The following SNX24 variants were observed in gnomAD, a reference collection of about 807,000 sequenced individuals.
SNX24 encodes the protein sorting nexin-24.
Under a neutral mutation model 28.7 loss-of-function variants are expected in SNX24, and 22 were observed. The observed-to-expected ratio is 0.77, with a 90% CI of 0.55 to 1.10. The LOEUF is 1.10. Ranked by LOEUF, SNX24 falls within the 50% of genes least tolerant of loss-of-function variation. The pLI is 0.00. For synonymous variants in SNX24, 69 were observed against 71.5 expected (o/e 0.96, Z 0.18); for missense variants, 221 against 201.1 (o/e 1.10, Z -0.60).
intron 3 of SNX24, chr5:122,948,776 G>A (rs933961986): frequency 2.0e-5 from 3 of 152,126 alleles, no homozygotes; most frequent in African/African-American, 7.2e-5. Flanking sequence ...TAAAGAGTTG[G>A]GAATGGAATT....
intron 1 of SNX24, among the ~76,000 whole-genome samples, chr5:122,921,219 A>C (rs1179287117): frequency 2.0e-5 from 3 of 151,914 alleles, no homozygotes; most frequent in Non-Finnish European, 2.9e-5. Flanking sequence ...TGGATGTACT[A>C]TTTATCCCTG....
rs918132033 is a variant in SNX24, at chr5:122,955,663, A to G, written c.249+9504A>G. On this transcript the variant is annotated intron_variant, in intron 3 of 6. Transcript: ENST00000261369. ...GTAAGGCTTGCTCCTCATTACCATT[A>G]AGATGTAGAAAGTTCTTTGCTAGAT... is the stretch of plus-strand genomic sequence containing the variant. Among the ~76,000 whole-genome samples, 87 of 152,172 alleles carry G rather than the reference A, an allele frequency of 5.7e-4. 3 individuals are homozygous for G. Among genetic ancestry groups the G allele is most frequent in the Non-Finnish European group, 2.9e-5 (2 of 68,034 alleles).
In SNX24 at chr5:122,858,767, TATGA is replaced by T. The variant is rs149271612; in HGVS notation, c.60+13080_60+13083del. On this transcript the variant is annotated intron_variant, in intron 1 of 6. Transcript: ENST00000261369. ...TAATGTCATTCATGATTTTATGACT[TATGA>T]ATGAAGTTGAACATCTTTTTATATG... Among the ~76,000 whole-genome samples, 1,269 of 152,356 alleles carry T rather than the reference TATGA, an allele frequency of 8.3e-3. 17 individuals carry two copies. Among genetic ancestry groups the T allele is most frequent in the African/African-American group, 0.029 (1,191 of 41,574 alleles).
At chr5:122,854,074 C>G (rs926597793) in intron 1 of SNX24, among the ~76,000 whole-genome samples, 1 of 151,900 alleles carries the variant, frequency 6.6e-6, no homozygotes, top group Admixed American at 6.6e-5. Context: ...CTTCTGCTCT[C>G]ATCGATTACT....
rs1756450560 is a variant in SNX24 at position 122,880,893 on chromosome 5, A to G, written c.60+35200A>G. Reference sequence around the variant, plus strand: ...CCCCTGGCCCACAGACAGCACCGAAATTGCATCCGTTTGTCATGCACTGAG... The same window carrying G: ...CCCCTGGCCCACAGACAGCACCGAAGTTGCATCCGTTTGTCATGCACTGAG... On this transcript the variant is annotated intron_variant, in intron 1 of 6. Transcript: ENST00000261369. 2.0e-5 allele frequency among the ~76,000 whole-genome samples: 3 copies of G among 152,184 alleles called. No homozygotes were observed. The South Asian group carries it at 6.2e-4, about 32-fold the overall frequency.
chr5:122,955,842 C>G (rs991788125), intron 3 of SNX24, among the ~76,000 whole-genome samples: 1 of 152,192 alleles, frequency 6.6e-6, no homozygotes, highest in Admixed American at 6.5e-5. Context: ...GAGGCTGTCT[C>G]TGTTACCACC....
At chr5:122,849,401 G>A (rs1042685530) in intron 1 of SNX24, among the ~76,000 whole-genome samples, 6 of 152,160 alleles carry the variant, frequency 3.9e-5, no homozygotes, top group Non-Finnish European at 8.8e-5. Flanking sequence ...AATGTCAGCT[G>A]GAGCCTTGTA....
At chr5:122,871,156 A>C (rs374768122) in intron 1 of SNX24, among the ~76,000 whole-genome samples, 7 of 152,176 alleles carry the variant, frequency 4.6e-5, no homozygotes, top group African/African-American at 1.7e-4. Flanking sequence ...CCCAGCACAT[A>C]TTATTAATAA....
intron 3 of SNX24, among the ~76,000 whole-genome samples, chr5:122,982,338 T>C (rs999398779): frequency 6.6e-6 from 1 of 152,250 alleles, no homozygotes; most frequent in Non-Finnish European, 1.5e-5. Flanking sequence ...GCATTTAGCA[T>C]GTAAAATGTA....
chr5:122,954,515 T>C (rs1165450560), intron 3 of SNX24, among the ~76,000 whole-genome samples: 1 of 151,964 alleles, frequency 6.6e-6, no homozygotes, highest in Admixed American at 6.6e-5. Flanking sequence ...TGACCAATAC[T>C]GTTTTTTTTC....
At chr5:122,905,302 TG>T (rs1757602658) in intron 1 of SNX24, among the ~76,000 whole-genome samples, 1 of 152,038 alleles carries the variant, frequency 6.6e-6, no homozygotes, top group South Asian at 2.1e-4. Context: ...ATCTGACAGT[TG>T]GGTTCATTCT....
intron 6 of SNX24, among the ~76,000 whole-genome samples, chr5:123,004,875 A>G (rs1351296007): frequency 7.1e-6 from 1 of 140,858 alleles, no homozygotes; most frequent in Admixed American, 7.0e-5. Context: ...CCCTCTACCC[A>G]TTCACAATAC....
In SNX24 at chr5:122,946,164, G is replaced by A; in HGVS notation, c.249+5G>A. On this transcript the variant is annotated splice_donor_5th_base_variant and intron_variant, in intron 3 of 6. Coordinates refer to ENST00000261369, the MANE Select transcript of SNX24 (RefSeq NM_014035.4). ...GGCTTGGAAACATACTTACAGGTAA[G>A]ATATGTTTAGATCCTCATTTTATAT... 1 of 1,485,756 alleles carries A rather than the reference G, an allele frequency of 6.7e-7. No individual in the cohort carries two copies. Among genetic ancestry groups the A allele is most frequent in the Middle Eastern group, 1.7e-4 (1 of 5,834 alleles). The allele number at this position is 1,485,756 out of a possible 1,614,324, so 92.0% of individuals were successfully genotyped here.
chr5:122,906,715 C>G (rs1757658377), intron 1 of SNX24, among the ~76,000 whole-genome samples: 1 of 152,180 alleles, frequency 6.6e-6, no homozygotes, highest in Admixed American at 6.5e-5. Flanking sequence ...ACCATGTTGG[C>G]CAGGCTGGTC....
At chr5:123,026,853 G>T (rs1762863222) in intron 5 of SNX24, among the ~76,000 whole-genome samples, 1 of 152,146 alleles carries the variant, frequency 6.6e-6, no homozygotes, top group South Asian at 2.1e-4. Flanking sequence ...CTTCTGTAGG[G>T]CCCCTTATCT....
chr5:122,980,796 G>A (rs528033168), intron 3 of SNX24, among the ~76,000 whole-genome samples: 9 of 151,874 alleles, frequency 5.9e-5, no homozygotes, highest in African/African-American at 1.9e-4. Context: ...TGGGAAAAGA[G>A]TATTTGGCAT....
intron 1 of SNX24, among the ~76,000 whole-genome samples, chr5:122,904,334 C>G (rs1008505104): frequency 6.6e-6 from 1 of 152,024 alleles, no homozygotes; most frequent in African/African-American, 2.4e-5. Context: ...AGGCATGTGC[C>G]GCCACACCCT....
At chr5:122,874,871 AC>A (rs1168635380) in intron 1 of SNX24, among the ~76,000 whole-genome samples, 1 of 152,210 alleles carries the variant, frequency 6.6e-6, no homozygotes, top group Admixed American at 6.5e-5. Flanking sequence ...CTGCTTCATA[AC>A]CAATAGGAAT....
At chr5:122,897,899 G>C (rs987224399) in intron 1 of SNX24, among the ~76,000 whole-genome samples, 3 of 152,082 alleles carry the variant, frequency 2.0e-5, no homozygotes, top group African/African-American at 7.2e-5. Flanking sequence ...AAAAGTAAAA[G>C]TATTTGACTT....
Sources: allele counts gnomAD v4.1 joint callset (sites outside exome capture counted in the v4.1 genomes callset), GRCh38; gene constraint gnomAD v4.1.1; transcripts MANE v1.5; gene names NCBI Gene and HGNC (gene_info 2026-07-23, HGNC 2026-07-21).